The following ZNF804B variants were observed in gnomAD, a reference collection of about 807,000 sequenced individuals.
ZNF804B encodes zinc finger 804B.
Under a neutral mutation model 101.4 loss-of-function variants are expected in ZNF804B, and 80 were observed. The observed-to-expected ratio is 0.79, with a 90% CI of 0.66 to 0.95. The LOEUF (loss-of-function observed/expected upper bound fraction) is 0.95. ZNF804B is among the 40% of genes least tolerant of loss of function. ZNF804B has a pLI of 0.00. For missense variants in ZNF804B, 1,673 were observed against 1,561.9 expected (o/e 1.07, Z -1.20); for synonymous variants, 622 against 558.8 (o/e 1.11, Z -1.59).
chr7:88,820,507 CTCTG>C (rs149819274), intron 1 of ZNF804B, among the ~76,000 whole-genome samples: 172 of 152,290 alleles, frequency 1.1e-3, no homozygotes, highest in African/African-American at 4.1e-3. Context: ...GGAACGTTGT[CTCTG>C]TCTGATCCTT....
At chr7:89,187,039 A>G (rs544781204) in intron 1 of ZNF804B, among the ~76,000 whole-genome samples, 2 of 152,294 alleles carry the variant, frequency 1.3e-5, no homozygotes, top group African/African-American at 4.8e-5. Context: ...CTGTCTTGGA[A>G]TGTAATTCCA....
At chr7:89,275,487 A>C (rs947726433) in intron 2 of ZNF804B, among the ~76,000 whole-genome samples, 22 of 151,836 alleles carry the variant, frequency 1.4e-4, no homozygotes, top group African/African-American at 5.3e-4. Flanking sequence ...CTTTCTTTGA[A>C]TCCAGTGCTG....
chr7:89,144,205 T>G (rs1790756627), intron 1 of ZNF804B, among the ~76,000 whole-genome samples: 1 of 152,030 alleles, frequency 6.6e-6, no homozygotes, highest in African/African-American at 2.4e-5. Context: ...TAATCCCCTC[T>G]TTATATTTTT....
Position 88,968,390 on chromosome 7 carries a change from A to T in ZNF804B, c.108+208306A>T, listed in dbSNP as rs1041378330. Among the ~76,000 whole-genome samples, 8 of 151,628 alleles carry T rather than the reference A, an allele frequency of 5.3e-5. No homozygotes were observed. In the East Asian group the frequency reaches 1.6e-3, roughly 30 times the overall value. Reference sequence around the variant, plus strand: ...TTGTATCATTTTTGCTCTTGTCACTAATTTGTATTCTTTTTTCCTTCCTAT... The same window carrying T: ...TTGTATCATTTTTGCTCTTGTCACTTATTTGTATTCTTTTTTCCTTCCTAT... On this transcript the variant is annotated intron_variant, in intron 1 of 3. Transcript: ENST00000333190.
At chr7:88,979,644 AT>A (rs1301239434) in intron 1 of ZNF804B, among the ~76,000 whole-genome samples, 1 of 87,080 alleles carries the variant, frequency 1.1e-5, no homozygotes, top group Non-Finnish European at 2.6e-5. Flanking sequence ...TTCTTTCTTT[AT>A]TCTTGAACTT....
At chr7:89,167,300 G>A (rs1008858030) in intron 1 of ZNF804B, among the ~76,000 whole-genome samples, 7 of 151,582 alleles carry the variant, frequency 4.6e-5, no homozygotes, top group African/African-American at 1.2e-4. Context: ...AAAATTAGCC[G>A]GGCGTGGTGG....
chr7:88,765,076 AC>A lies in ZNF804B; in HGVS notation c.108+4993del, dbSNP rs532611278. On this transcript the variant is annotated intron_variant, in intron 1 of 3. Transcript: ENST00000333190. ...CTAGTTGGTACCTTCCAGAACCTAA[AC>A]AAATTTGTGTTTATTTGACTTCAGA... Among the ~76,000 whole-genome samples, 9 of 152,244 alleles carry A rather than the reference AC, an allele frequency of 5.9e-5. No homozygotes were observed. The South Asian group carries it at 1.9e-3, about 32-fold the overall frequency.
chr7:89,171,288 G>GCTGCTT lies in ZNF804B; in HGVS notation c.109-46865_109-46864insGCTTCT, dbSNP rs1215246589. Among the ~76,000 whole-genome samples, 179 of 82,520 alleles carry GCTGCTT rather than the reference G, an allele frequency of 2.2e-3. 1 individual carries two copies. Among genetic ancestry groups the GCTGCTT allele is most frequent in the East Asian group, 7.1e-3 (26 of 3,648 alleles). 54.1% of individuals were successfully genotyped at this position (82,520 alleles called of 152,430 possible). A position where few individuals can be genotyped will look rare whatever the true frequency, so the allele number is the denominator to read the frequency against. On this transcript the variant is annotated intron_variant, in intron 1 of 3. Transcript: ENST00000333190. Reference sequence around the variant, plus strand: ...AGTAGGCACAAATAATGCTGCTGCTGCTTCTTCTTCTTCTTCTTCTTCTTC... The same window carrying GCTGCTT: ...AGTAGGCACAAATAATGCTGCTGCTGCTGCTTCTTCTTCTTCTTCTTCTTCTTCTTC...
chr7:89,266,561 G>A (rs1170591212), intron 2 of ZNF804B, among the ~76,000 whole-genome samples: 1 of 152,112 alleles, frequency 6.6e-6, no homozygotes, highest in Non-Finnish European at 1.5e-5. Flanking sequence ...AAAGTGGCAA[G>A]TACAGTTCAA....
At position 88,805,091 on chromosome 7, in the gene ZNF804B, A is replaced by G. The variant is rs141292236; in HGVS notation, c.108+45007A>G. 4.1e-4 allele frequency among the ~76,000 whole-genome samples: 63 copies of G among 152,306 alleles called. No individual in the cohort carries two copies. In the East Asian group the frequency reaches 9.4e-3, roughly 23 times the overall value. ...TAGGAATCTGAATTTTATGACACTT[A>G]ATATTGAGAACCATTAAATGTTTTA... On this transcript the variant is annotated intron_variant, in intron 1 of 3. Coordinates refer to ENST00000333190, the MANE Select transcript of ZNF804B (RefSeq NM_181646.5).
Position 88,854,507 on chromosome 7 carries a change from CT to C in ZNF804B, c.108+94426del, listed in dbSNP as rs1372561750. On this transcript the variant is annotated intron_variant, in intron 1 of 3. Coordinates refer to ENST00000333190, the MANE Select transcript of ZNF804B (RefSeq NM_181646.5). ...CTTTCCTTTCCTTTCCTTTCCTTTCCTTTCCTTTCCTTTCCTTCCTTTCCTT... is the reference window on the plus strand; with the variant it reads ...CTTTCCTTTCCTTTCCTTTCCTTTCCTTCCTTTCCTTTCCTTCCTTTCCTT... Among the ~76,000 whole-genome samples, 384 of 82,438 alleles carry C rather than the reference CT, an allele frequency of 4.7e-3. 15 individuals carry two copies. Among genetic ancestry groups the C allele is most frequent in the African/African-American group, 0.015 (238 of 15,462 alleles). The allele number at this position is 82,438 out of a possible 152,430, so 54.1% of individuals were successfully genotyped here. A position where few individuals can be genotyped will look rare whatever the true frequency, so the allele number is the denominator to read the frequency against.
At chr7:88,894,767 A>G (rs1792262910) in intron 1 of ZNF804B, among the ~76,000 whole-genome samples, 1 of 152,146 alleles carries the variant, frequency 6.6e-6, no homozygotes, top group Non-Finnish European at 1.5e-5. Flanking sequence ...TAGGCTATAT[A>G]CTGCATTATT....
At chr7:88,812,595 A>T (rs181663535) in intron 1 of ZNF804B, among the ~76,000 whole-genome samples, 1 of 152,354 alleles carries the variant, frequency 6.6e-6, no homozygotes, top group East Asian at 1.9e-4. Flanking sequence ...CACAATAGCT[A>T]AGAAGTGGAA....
At chr7:89,078,147 C>T (rs1046903186) in intron 1 of ZNF804B, among the ~76,000 whole-genome samples, 3 of 152,048 alleles carry the variant, frequency 2.0e-5, no homozygotes, top group African/African-American at 4.8e-5. Context: ...TTTGGAATTC[C>T]TTCCTGTCTA....
intron 1 of ZNF804B, among the ~76,000 whole-genome samples, chr7:89,152,578 T>G (rs1790896034): frequency 6.6e-6 from 1 of 152,122 alleles, no homozygotes; most frequent in African/African-American, 2.4e-5. Context: ...GATCTTTATG[T>G]TTCAGTTTTA....
intron 1 of ZNF804B, among the ~76,000 whole-genome samples, chr7:89,009,850 T>C (rs779782421): frequency 3.5e-4 from 54 of 152,204 alleles, no homozygotes; most frequent in Non-Finnish European, 5.9e-4. Context: ...TACTATTCTA[T>C]GGTGTTTTGT....
chr7:88,850,470 C>T (rs1243209834), intron 1 of ZNF804B, among the ~76,000 whole-genome samples: 1 of 152,016 alleles, frequency 6.6e-6, no homozygotes, highest in Non-Finnish European at 1.5e-5. Context: ...ATCTGAGACT[C>T]GTGGAAAAAA....
At chr7:88,974,320 G>A (rs1274375726) in intron 1 of ZNF804B, among the ~76,000 whole-genome samples, 3 of 151,200 alleles carry the variant, frequency 2.0e-5, no homozygotes, top group Non-Finnish European at 4.4e-5. Flanking sequence ...ACAACATGTT[G>A]ACTACAGTTG....
At chr7:88,794,375 T>C in intron 1 of ZNF804B, 1 of 1,613,904 alleles carries the variant, frequency 6.2e-7, no homozygotes, top group Non-Finnish European at 8.5e-7. Flanking sequence ...GTGCCTACTT[T>C]CATAGTCTGG....
Sources: gnomAD v4.1 joint callset for allele counts (sites outside exome capture counted in the v4.1 genomes callset) on GRCh38, gnomAD v4.1.1 for gene constraint, MANE v1.5 for transcripts, NCBI Gene and HGNC (gene_info 2026-07-23, HGNC 2026-07-21) for gene names.